PAX7: variants seen among roughly 807,000 people sequenced by gnomAD.
The protein encoded by PAX7 is paired box protein Pax-7.
A neutral mutation model predicts 50.7 loss-of-function variants in PAX7; 18 were observed. The ratio of observed to expected loss-of-function variants is 0.36; its 90% CI spans 0.25 to 0.53. The LOEUF is 0.53. Among genes scored for constraint, PAX7 ranks in the 20% least tolerant of loss-of-function variants. The pLI is 0.93. For synonymous variants in PAX7, 310 were observed against 290.4 expected (o/e 1.07, Z -0.69); for missense variants, 644 against 702.9 (o/e 0.92, Z 0.95).
chr1:18,679,328 C>T (rs1343312173), intron 4 of PAX7, among the ~76,000 whole-genome samples: 2 of 152,240 alleles, frequency 1.3e-5, no homozygotes, highest in African/African-American at 4.8e-5. Context: ...AGGGCTCCAG[C>T]ACTGAGGAGG....
chr1:18,738,390 C>T (rs530746047), intron 8 of PAX7, among the ~76,000 whole-genome samples: 18 of 152,204 alleles, frequency 1.2e-4, no homozygotes, highest in East Asian at 5.8e-4. Context: ...GCTCCAGGGG[C>T]GCCTGCTCAA....
intron 8 of PAX7, among the ~76,000 whole-genome samples, chr1:18,741,500 A>G (rs777210104): frequency 5.3e-5 from 8 of 152,002 alleles, no homozygotes; most frequent in Non-Finnish European, 1.0e-4. Context: ...ATAAATCCTG[A>G]AGGTGATGGA....
chr1:18,637,752 C>T (rs116001185), intron 4 of PAX7, among the ~76,000 whole-genome samples: 1 of 152,272 alleles, frequency 6.6e-6, no homozygotes, highest in Admixed American at 6.5e-5. Context: ...CGTGTGACAG[C>T]GGCCTGGAGC....
chr1:18,663,629 G>A (rs993881925), intron 4 of PAX7, among the ~76,000 whole-genome samples: 2 of 152,148 alleles, frequency 1.3e-5, no homozygotes, highest in East Asian at 1.9e-4. Flanking sequence ...TGATCCACCC[G>A]TCTCGGCCTC....
chr1:18,711,784 G>A (rs1366286581), intron 7 of PAX7, among the ~76,000 whole-genome samples: 2 of 152,254 alleles, frequency 1.3e-5, no homozygotes, highest in East Asian at 1.9e-4. Flanking sequence ...TTCATGACCA[G>A]TGCGGTTGGT....
At chr1:18,640,898 G>A (rs980518392) in intron 4 of PAX7, among the ~76,000 whole-genome samples, 18 of 151,700 alleles carry the variant, frequency 1.2e-4, no homozygotes, top group Non-Finnish European at 2.4e-4. Flanking sequence ...GAACGTCCCG[G>A]CGGAGGGGGC....
rs1014198222 is a variant in PAX7 at position 18,634,779 on chromosome 1, A to G, written c.321+241A>G. 3.9e-5 allele frequency among the ~76,000 whole-genome samples: 6 copies of G among 152,164 alleles called. No homozygotes were observed. Among genetic ancestry groups the G allele is most frequent in the African/African-American group, 1.2e-4 (5 of 41,432 alleles). ...TGAGCCATTCCTGGACTGTCCCCAC[A>G]TTTGCCTCAACCCCTGTCACCTTCC... On this transcript the variant is annotated intron_variant, in intron 2 of 8. Transcript: ENST00000420770. This position sits in a 1 kb window ranked among gnomAD's most constrained non-coding sequence, Gnocchi z 4.0.
intron 7 of PAX7, among the ~76,000 whole-genome samples, chr1:18,713,879 G>T (rs1312898318): frequency 1.3e-5 from 2 of 152,174 alleles, no homozygotes; most frequent in African/African-American, 4.8e-5. Flanking sequence ...GGCACATCGT[G>T]GACACAGTGG....
rs926598186 is a variant in PAX7, at chr1:18,631,265, G to A, written c.-339G>A. 1 of 257,552 alleles carries A rather than the reference G, an allele frequency of 3.9e-6. No individual in the cohort carries two copies. The highest frequency in any genetic ancestry group is 2.2e-5 in the African/African-American group (1 of 46,066). The allele number at this position is 257,552 out of a possible 1,614,324, so 16.0% of individuals were successfully genotyped here. A position where few individuals can be genotyped will look rare whatever the true frequency, so the allele number is the denominator to read the frequency against. ...CCTCCGCCGCGGGGCCTGGTCTCCG[G>A]GTTCTGCCAGGCGCATCAGCCCGCA... On this transcript the variant is annotated 5_prime_UTR_variant, in exon 1 of 9. Coordinates refer to ENST00000420770, the MANE Select transcript of PAX7 (RefSeq NM_001135254.2).
At position 18,700,077 on chromosome 1, in the gene PAX7, C is replaced by CGT. The variant is rs66600721; in HGVS notation, c.787-537_787-536dup. 0.26 allele frequency among the ~76,000 whole-genome samples: 37,749 copies of CGT among 145,458 alleles called. 4,930 individuals are homozygous for CGT. The highest frequency in any genetic ancestry group is 0.31 in the Middle Eastern group (89 of 286). On this transcript the variant is annotated intron_variant, in intron 5 of 8. Transcript: ENST00000420770. The surrounding 1 kb of genome is among the most constrained non-coding windows in gnomAD (Gnocchi z 4.8). Reference sequence around the variant, plus strand: ...TTATCCCACTAATGTTTGATAAATCCGTGTGTGTGTGTGTGTGTGTGTGTG... The same window carrying CGT: ...TTATCCCACTAATGTTTGATAAATCCGTGTGTGTGTGTGTGTGTGTGTGTGTG...
At chr1:18,661,023 G>A (rs924971498) in intron 4 of PAX7, among the ~76,000 whole-genome samples, 3 of 152,132 alleles carry the variant, frequency 2.0e-5, no homozygotes, top group Admixed American at 6.6e-5. Flanking sequence ...AAGCACACAC[G>A]CATGCTAGAG....
chr1:18,736,946 C>T (rs887678955), intron 8 of PAX7, among the ~76,000 whole-genome samples: 7 of 152,238 alleles, frequency 4.6e-5, no homozygotes, highest in South Asian at 4.1e-4. Context: ...CCCCTTCTGC[C>T]GCAGGGCATG....
At chr1:18,650,907 C>T (rs2088420032) in intron 4 of PAX7, among the ~76,000 whole-genome samples, 1 of 152,156 alleles carries the variant, frequency 6.6e-6, no homozygotes, top group African/African-American at 2.4e-5. Flanking sequence ...ATGGGGCTGG[C>T]AGGGCAAGAC....
intron 7 of PAX7, among the ~76,000 whole-genome samples, chr1:18,731,191 GAA>G (rs1376551270): frequency 6.6e-5 from 10 of 152,214 alleles, no homozygotes; most frequent in Non-Finnish European, 1.5e-4. Context: ...TCCTCAAGTT[GAA>G]AAGTTTGCAG....
chr1:18,703,794 C>G (rs1238699638), intron 7 of PAX7, among the ~76,000 whole-genome samples: 1 of 152,108 alleles, frequency 6.6e-6, no homozygotes, highest in African/African-American at 2.4e-5. Flanking sequence ...CCCAAATATC[C>G]GTGGGGGAAG....
chr1:18,639,287 GT>G (rs2088210143), intron 4 of PAX7, among the ~76,000 whole-genome samples: 1 of 152,168 alleles, frequency 6.6e-6, no homozygotes, highest in Admixed American at 6.5e-5. Flanking sequence ...CAAACGTTAA[GT>G]TGAAGGGTTT....
intron 7 of PAX7, among the ~76,000 whole-genome samples, chr1:18,729,751 C>A (rs372091193): frequency 1.3e-5 from 2 of 152,134 alleles, no homozygotes; most frequent in African/African-American, 4.8e-5. Flanking sequence ...TTTGATGGTT[C>A]CTTCTTCCTA....
At chr1:18,686,809 T>A (rs2088982257) in intron 4 of PAX7, among the ~76,000 whole-genome samples, 1 of 152,050 alleles carries the variant, frequency 6.6e-6, no homozygotes, top group Non-Finnish European at 1.5e-5. Flanking sequence ...ACCGTCATTG[T>A]CCTCATCATC....
At chr1:18,705,792 C>G (rs2089275872) in intron 7 of PAX7, among the ~76,000 whole-genome samples, 1 of 152,186 alleles carries the variant, frequency 6.6e-6, no homozygotes, top group Admixed American at 6.5e-5. Flanking sequence ...AGCCCTCCAC[C>G]CAGCCCAGAA....
Sources: allele counts gnomAD v4.1 joint callset (sites outside exome capture counted in the v4.1 genomes callset), GRCh38; gene constraint gnomAD v4.1.1; non-coding constraint Gnocchi (gnomAD v3.1); transcripts MANE v1.5; gene names NCBI Gene and HGNC (gene_info 2026-07-23, HGNC 2026-07-21).